ULK4: variants seen among roughly 807,000 people sequenced by gnomAD.
ULK4 encodes inactive serine/threonine-protein kinase ULK4.
A neutral mutation model predicts 160.6 loss-of-function variants in ULK4; 133 were observed. That is an observed-to-expected ratio of 0.83 (90% CI 0.72 to 0.96). The LOEUF (loss-of-function observed/expected upper bound fraction) is 0.96. Ranked by LOEUF, ULK4 falls within the 40% of genes least tolerant of loss-of-function variation. The pLI is 0.00. For synonymous variants in ULK4, 534 were observed against 539.8 expected (o/e 0.99, Z 0.15); for missense variants, 1,580 against 1,499.5 (o/e 1.05, Z -0.89).
intron 27 of ULK4, among the ~76,000 whole-genome samples, chr3:41,690,131 G>A (rs1261068271): frequency 2.7e-5 from 4 of 147,228 alleles, no homozygotes; most frequent in East Asian, 2.0e-4. Context: ...ATGAGTTCAT[G>A]TCCTTTGTAG....
intron 35 of ULK4, among the ~76,000 whole-genome samples, chr3:41,294,044 A>T (rs569309658): frequency 2.6e-4 from 39 of 152,332 alleles, no homozygotes; most frequent in African/African-American, 9.4e-4. Context: ...GCAATGCAGG[A>T]TGCTAAGAGA....
chr3:41,329,297 A>T (rs1406745905), intron 35 of ULK4, among the ~76,000 whole-genome samples: 1 of 152,186 alleles, frequency 6.6e-6, no homozygotes, highest in African/African-American at 2.4e-5. Context: ...AGGTTTTCCA[A>T]ATTTGGCTCA....
chr3:41,448,806 C>T (rs146297733), intron 34 of ULK4, among the ~76,000 whole-genome samples: 241 of 152,308 alleles, frequency 1.6e-3, no homozygotes, highest in African/African-American at 3.8e-3. Context: ...ATGATGTCCA[C>T]GTTCTTGGCT....
chr3:41,652,306 A>G (rs2034774570), intron 30 of ULK4, among the ~76,000 whole-genome samples: 2 of 152,222 alleles, frequency 1.3e-5, no homozygotes, highest in Non-Finnish European at 2.9e-5. Context: ...TAAGTAAAAA[A>G]AAATAGAATA....
intron 35 of ULK4, among the ~76,000 whole-genome samples, chr3:41,376,829 C>T (rs1188701578): frequency 1.3e-5 from 2 of 149,918 alleles, no homozygotes; most frequent in Non-Finnish European, 2.9e-5. Context: ...AATGCCATCC[C>T]CAACAAGCTA....
chr3:41,390,594 A>T (rs1488897949), intron 35 of ULK4, among the ~76,000 whole-genome samples: 3 of 152,038 alleles, frequency 2.0e-5, no homozygotes, highest in African/African-American at 4.8e-5. Flanking sequence ...TTCAAAGAAC[A>T]TCTTTATTTC....
intron 22 of ULK4, among the ~76,000 whole-genome samples, chr3:41,729,853 G>A (rs1255439922): frequency 1.3e-5 from 2 of 152,046 alleles, no homozygotes; most frequent in African/African-American, 4.8e-5. Context: ...TGAAACAACG[G>A]CACAAAGTCT....
intron 16 of ULK4, among the ~76,000 whole-genome samples, chr3:41,889,918 G>C (rs986363918): frequency 1.3e-5 from 2 of 152,168 alleles, no homozygotes; most frequent in African/African-American, 4.8e-5. Context: ...GGATTATTCA[G>C]CTATAAAAAG....
intron 1 of ULK4, among the ~76,000 whole-genome samples, chr3:41,958,581 G>A (rs114966486): frequency 0.012 from 1,853 of 151,226 alleles, 40 homozygotes; most frequent in African/African-American, 0.043. Flanking sequence ...GAATGGTGGC[G>A]CGCACCTGTA....
At chr3:41,739,168 C>T (rs947492712) in intron 22 of ULK4, among the ~76,000 whole-genome samples, 2 of 151,866 alleles carry the variant, frequency 1.3e-5, no homozygotes, top group Non-Finnish European at 2.9e-5. Flanking sequence ...AGCAGTAAAC[C>T]ATCATCAAAT....
At chr3:41,305,126 T>C (rs561177540) in intron 35 of ULK4, among the ~76,000 whole-genome samples, 66 of 152,232 alleles carry the variant, frequency 4.3e-4, no homozygotes, top group African/African-American at 1.5e-3. Flanking sequence ...AGCCAGAGCT[T>C]GATGGAGATA....
Position 41,911,542 on chromosome 3 carries a change from T to C in ULK4, c.1014A>G (p.Leu338=), listed in dbSNP as rs763147870. 1.9e-6 allele frequency: 3 copies of C among 1,612,826 alleles called. No individual in the cohort carries two copies. Among genetic ancestry groups the C allele is most frequent in the Admixed American group, 3.3e-5 (2 of 60,002 alleles). The stretch of plus-strand genomic sequence containing the variant: ...TGAATGTGCTCAAATAAAACTTACC[T>C]AGTCTGAAAGAGTGACCTAGTGGTT... ...SGQPLGHSFR[L]ENPTEFRPKS... The change falls in exon 10 of 37, where the codon CTA becomes CTG. Residue 338 remains leucine (L), a splice_region_variant and synonymous_variant. Coordinates refer to ENST00000301831, the MANE Select transcript of ULK4 (RefSeq NM_017886.4).
chr3:41,508,191 G>C (rs1228699326), intron 32 of ULK4, among the ~76,000 whole-genome samples: 1 of 152,090 alleles, frequency 6.6e-6, no homozygotes, highest in Non-Finnish European at 1.5e-5. Context: ...GGTGACCTGC[G>C]TGACTCAGCA....
intron 16 of ULK4, among the ~76,000 whole-genome samples, chr3:41,890,235 T>C (rs986090222): frequency 2.6e-5 from 4 of 152,154 alleles, no homozygotes; most frequent in African/African-American, 9.7e-5. Flanking sequence ...ATGTGAATTA[T>C]ACCTCAATAA....
chr3:41,364,872 C>T (rs990534473), intron 35 of ULK4, among the ~76,000 whole-genome samples: 34 of 152,118 alleles, frequency 2.2e-4, no homozygotes, highest in African/African-American at 8.0e-4. Flanking sequence ...TGTTCAGGAG[C>T]CTTCTCCAGA....
chr3:41,321,630 C>T lies in ULK4; in HGVS notation c.3679-72056G>A, dbSNP rs947439808. Among the ~76,000 whole-genome samples, 8 of 109,630 alleles carry T rather than the reference C, an allele frequency of 7.3e-5. 1 individual carries two copies. The highest frequency in any genetic ancestry group is 1.5e-4 in the Non-Finnish European group (8 of 53,272). 71.9% of individuals were successfully genotyped at this position (109,630 alleles called of 152,430 possible). On this transcript the variant is annotated intron_variant, in intron 35 of 36. Transcript: ENST00000301831. ...GAGGGAAAGACAGTCAGTCTCCCAA[C>T]AGATAAAACCTGAAACTGGTGATCA... is the stretch of plus-strand genomic sequence containing the variant.
chr3:41,430,356 G>C (rs13069584), intron 34 of ULK4, among the ~76,000 whole-genome samples: 3 of 152,204 alleles, frequency 2.0e-5, no homozygotes, highest in African/African-American at 7.2e-5. Flanking sequence ...CATTTATTCA[G>C]AGACTGATCC....
intron 12 of ULK4, among the ~76,000 whole-genome samples, chr3:41,901,478 C>CTTTTTTTTTTT (rs1305478036): frequency 8.7e-5 from 2 of 22,946 alleles, no homozygotes; most frequent in Non-Finnish European, 6.2e-4. Context: ...CCACGCCCAG[C>CTTTTTTTTTTT]CTTTTTTTTT....
chr3:41,646,470 A>G (rs2034496487), intron 30 of ULK4, among the ~76,000 whole-genome samples: 1 of 152,212 alleles, frequency 6.6e-6, no homozygotes, highest in African/African-American at 2.4e-5. Flanking sequence ...TTGGCTGGAT[A>G]TGAGATTCTG....
Sources: gnomAD v4.1 joint callset for allele counts (sites outside exome capture counted in the v4.1 genomes callset) on GRCh38, gnomAD v4.1.1 for gene constraint, MANE v1.5 for transcripts, NCBI Gene and HGNC (gene_info 2026-07-23, HGNC 2026-07-21) for gene names.